Variants in FSTL1 observed in about 807,000 individuals in gnomAD.
FSTL1 encodes follistatin like 1.
In FSTL1, 24 loss-of-function variants were observed where a neutral mutation model predicts 45.9. That is an observed-to-expected ratio of 0.52 (90% CI 0.38 to 0.74). The LOEUF is 0.74. Among genes scored for constraint, FSTL1 ranks in the 30% least tolerant of loss-of-function variants. FSTL1 has a pLI of 0.00. For missense variants in FSTL1, 340 were observed against 381.8 expected, an observed-to-expected ratio of 0.89 and a Z score of 0.91; for synonymous variants, 120 against 137.6, an observed-to-expected ratio of 0.87 and a Z score of 0.89.
chr3:120,408,941 C>T (rs182856170), intron 6 of FSTL1, among the ~76,000 whole-genome samples: 208 of 152,282 alleles, frequency 1.4e-3, no homozygotes, highest in African/African-American at 4.9e-3. Context: ...ATTATAGCTT[C>T]CTTCATTTCT....
chr3:120,408,376 A>T (rs1936987205), intron 6 of FSTL1, among the ~76,000 whole-genome samples: 1 of 152,230 alleles, frequency 6.6e-6, no homozygotes, highest in Non-Finnish European at 1.5e-5. Flanking sequence ...GCCATAGAGG[A>T]GAGAAATCTC....
intron 2 of FSTL1, among the ~76,000 whole-genome samples, chr3:120,433,918 C>T (rs1559742999): frequency 6.6e-6 from 1 of 152,248 alleles, no homozygotes; most frequent in East Asian, 1.9e-4. Flanking sequence ...GAAAAGCTGG[C>T]AAGGGGTAGA....
In FSTL1 at chr3:120,412,838, GCACACACACA is replaced by G. The variant is rs71156798; in HGVS notation, c.169-865_169-856del. ...CACATGTGCGCGCGCGCGCGCGCGC[GCACACACACA>G]CACACACACACACACACACACACAC... is the stretch of plus-strand genomic sequence containing the variant. On this transcript the variant is annotated intron_variant, in intron 3 of 10. Coordinates refer to ENST00000295633, the MANE Select transcript of FSTL1 (RefSeq NM_007085.5). 4.8e-4 allele frequency among the ~76,000 whole-genome samples: 51 copies of G among 106,188 alleles called. No homozygotes were observed. The South Asian group carries it at 5.7e-3, about 12-fold the overall frequency. The allele number at this position is 106,188 out of a possible 152,430, so 69.7% of individuals were successfully genotyped here.
intron 3 of FSTL1, among the ~76,000 whole-genome samples, chr3:120,414,080 G>A (rs909098120): frequency 3.9e-5 from 6 of 151,920 alleles, no homozygotes; most frequent in Non-Finnish European, 7.4e-5. Flanking sequence ...CGTTCACTCA[G>A]TGCTCAATGG....
intron 2 of FSTL1, among the ~76,000 whole-genome samples, chr3:120,443,989 A>G (rs1937683068): frequency 6.7e-6 from 1 of 150,054 alleles, no homozygotes; most frequent in African/African-American, 2.5e-5. Flanking sequence ...CTTTAGCAAG[A>G]GCAACTGTTT....
chr3:120,441,357 C>T (rs1937625494), intron 2 of FSTL1: 1 of 152,226 alleles, frequency 6.6e-6, no homozygotes. Flanking sequence ...GGCTTCCCAT[C>T]CTACTGCCTC....
chr3:120,417,176 C>T (rs1031093595), intron 2 of FSTL1, among the ~76,000 whole-genome samples: 1 of 152,172 alleles, frequency 6.6e-6, no homozygotes, highest in Non-Finnish European at 1.5e-5. Context: ...TGGAACCAGA[C>T]AGTCCACCCT....
In FSTL1 at chr3:120,394,586, G is replaced by A. The variant is rs1936659095; in HGVS notation, c.*2366C>T. ...CCATGGACACTGGATCTTAACAGAT[G>A]CTATAGTGTTTACAAAACTACACAC... On this transcript the variant is annotated 3_prime_UTR_variant, in exon 11 of 11. Transcript: ENST00000295633. 1 of 152,210 alleles carries A rather than the reference G, an allele frequency of 6.6e-6. No individual in the cohort carries two copies. The highest frequency in any genetic ancestry group is 1.5e-5 in the Non-Finnish European group (1 of 68,042). 9.4% of individuals were successfully genotyped at this position (152,210 alleles called of 1,614,324 possible).
rs1272542064 is a variant in FSTL1 at position 120,394,052 on chromosome 3, C to G, written c.*2900G>C. 1 of 152,218 alleles carries G rather than the reference C, an allele frequency of 6.6e-6. No individual in the cohort carries two copies. The highest frequency in any genetic ancestry group is 1.5e-5 in the Non-Finnish European group (1 of 68,046). 9.4% of individuals were successfully genotyped at this position (152,218 alleles called of 1,614,324 possible). A position where few individuals can be genotyped will look rare whatever the true frequency, so the allele number is the denominator to read the frequency against. On this transcript the variant is annotated 3_prime_UTR_variant, in exon 11 of 11. Coordinates refer to ENST00000295633, the MANE Select transcript of FSTL1 (RefSeq NM_007085.5). ...CAACTTGAAGGGACTAAGACACTTT[C>G]TGACTTGTCATCACCTTCTACTCCA...
rs190556539 is a variant in FSTL1 at position 120,427,910 on chromosome 3, C to T, written c.64-11883G>A. Among the ~76,000 whole-genome samples the T allele has an allele frequency of 5.8e-4, 88 of 152,240 alleles. 3 individuals are homozygous for T. In the South Asian group the frequency reaches 0.017, roughly 30 times the overall value. ...GTATAGGGTAGGGGCAGCCAAAGAGCTGCCTGATACCTTGGGGGCCTATAC... is the reference window on the plus strand; with the variant it reads ...GTATAGGGTAGGGGCAGCCAAAGAGTTGCCTGATACCTTGGGGGCCTATAC... On this transcript the variant is annotated intron_variant, in intron 2 of 10. Transcript: ENST00000295633.
At chr3:120,430,192 A>G (rs1205465381) in intron 2 of FSTL1, among the ~76,000 whole-genome samples, 1 of 152,212 alleles carries the variant, frequency 6.6e-6, no homozygotes, top group Non-Finnish European at 1.5e-5. Context: ...TTTAAAGGGT[A>G]AGGCCCACCC....
intron 2 of FSTL1, among the ~76,000 whole-genome samples, chr3:120,442,395 A>AG (rs5852249): frequency 0.56 from 85,749 of 152,114 alleles, 28,125 homozygotes; most frequent in East Asian, 0.75. Flanking sequence ...TGCCCAGAAA[A>AG]GGGCACAGCA....
intron 4 of FSTL1, 39 bp from the exon 5 acceptor site, chr3:120,411,023 A>T (rs753642866): frequency 2.6e-6 from 4 of 1,533,840 alleles, no homozygotes; most frequent in Non-Finnish European, 3.6e-6. Flanking sequence ...TGCGAAGTGA[A>T]GGAAAAAAGA....
At chr3:120,397,697 C>T (rs1322775875) in intron 10 of FSTL1, among the ~76,000 whole-genome samples, 1 of 152,176 alleles carries the variant, frequency 6.6e-6, no homozygotes, top group African/African-American at 2.4e-5. Flanking sequence ...CCAGTTTGGC[C>T]ATTTCTCCAA....
chr3:120,399,121 A>G (rs1372935535), intron 10 of FSTL1, among the ~76,000 whole-genome samples: 1 of 152,194 alleles, frequency 6.6e-6, no homozygotes, highest in Non-Finnish European at 1.5e-5. Flanking sequence ...TCTATGTCAG[A>G]GAGAAGGCTA....
rs745569949 is a variant in FSTL1, at chr3:120,404,949, C to A, written c.485G>T (p.Arg162Leu). Residue 162 changes from arginine to leucine, a missense_variant, in exon 7 of 11, where the codon CGC (arginine) becomes CTC (leucine). Coordinates refer to ENST00000295633, the MANE Select transcript of FSTL1 (RefSeq NM_007085.5). ...CTTCAGGAATTCACTGGAGTCCAGG[C>A]GAGAATCACCATTATCAAAGTTCTA... is the stretch of plus-strand genomic sequence containing the variant. ...YFKNFDNGDS[R>L]LDSSEFLKFV... is the part of the protein sequence containing the mutation. The A allele has an allele frequency of 6.3e-7, 1 of 1,588,102 alleles. No individual in the cohort carries two copies. The highest frequency in any genetic ancestry group is 1.3e-5 in the African/African-American group (1 of 74,482).
intron 9 of FSTL1, among the ~76,000 whole-genome samples, chr3:120,400,806 C>G (rs1936806248): frequency 6.6e-6 from 1 of 152,218 alleles, no homozygotes; most frequent in Non-Finnish European, 1.5e-5. Context: ...GCTCCACAAA[C>G]TCCTCTTAGA....
chr3:120,443,756 G>T (rs1937676823), intron 2 of FSTL1, among the ~76,000 whole-genome samples: 1 of 149,734 alleles, frequency 6.7e-6, no homozygotes, highest in Admixed American at 6.6e-5. Flanking sequence ...GACATATGGG[G>T]GTCATACATT....
At chr3:120,418,980 C>T (rs1937234127) in intron 2 of FSTL1, 1 of 152,200 alleles carries the variant, frequency 6.6e-6, no homozygotes, top group Non-Finnish European at 1.5e-5. Context: ...CAGAAGGACT[C>T]ACTGAATGGA....
Sources: gnomAD v4.1 joint callset for allele counts (sites outside exome capture counted in the v4.1 genomes callset) on GRCh38, gnomAD v4.1.1 for gene constraint, MANE v1.5 for transcripts, NCBI Gene and HGNC (gene_info 2026-07-23, HGNC 2026-07-21) for gene names.